TRAM2: variants seen among roughly 807,000 people sequenced by gnomAD.
TRAM2 encodes the protein translocation associated membrane protein 2.
A neutral mutation model predicts 51.0 loss-of-function variants in TRAM2; 12 were observed. The observed-to-expected ratio is 0.24, with a 90% CI of 0.15 to 0.38. The LOEUF (loss-of-function observed/expected upper bound fraction) is 0.38, where lower values mean the gene tolerates loss of function less well. Ranked by LOEUF, TRAM2 falls within the 10% of genes least tolerant of loss-of-function variation. The pLI, the probability that TRAM2 is intolerant of heterozygous loss-of-function variation, is 1.00. For missense variants in TRAM2, 361 were observed against 462.0 expected (o/e 0.78, Z 2.00); for synonymous variants, 175 against 179.4 (o/e 0.98, Z 0.20).
intron 10 of TRAM2, 131 bp from the exon 11 acceptor site, chr6:52,503,401 G>A (rs1030803031): frequency 8.8e-6 from 7 of 798,442 alleles, no homozygotes; most frequent in East Asian, 2.4e-5. Context: ...CCAAAGGGGC[G>A]CCAGGCTGCA....
chr6:52,551,008 A>G (rs9296683), intron 1 of TRAM2, among the ~76,000 whole-genome samples: 97,831 of 152,102 alleles, frequency 0.64, 31,884 homozygotes, highest in East Asian at 0.89. Flanking sequence ...TTGATAACCC[A>G]CTTCAGAAAT....
rs371698794 is a variant in TRAM2, at chr6:52,507,639, G to A, written c.556-16C>T. On this transcript the variant is annotated splice_polypyrimidine_tract_variant and intron_variant, in intron 6 of 10. Transcript: ENST00000182527. ...GAATTTCCTCCTGGAAACAAGAGAA[G>A]CAGATGGTAAATTTGCTAATTCCCT... 3 of 1,613,652 alleles carry A rather than the reference G, an allele frequency of 1.9e-6. No homozygotes were observed. The highest frequency in any genetic ancestry group is 2.7e-5 in the African/African-American group (2 of 74,898).
intron 1 of TRAM2, among the ~76,000 whole-genome samples, chr6:52,540,952 TA>T (rs1465814462): frequency 1.6e-4 from 25 of 152,178 alleles, no homozygotes; most frequent in Admixed American, 1.6e-3. Context: ...AAAGTTTCAT[TA>T]AATTTTTAAC....
intron 1 of TRAM2, among the ~76,000 whole-genome samples, chr6:52,558,502 C>T (rs1767447980): frequency 6.6e-6 from 1 of 152,162 alleles, no homozygotes; most frequent in South Asian, 2.1e-4. Flanking sequence ...GTGCTTAACA[C>T]TACTTAACGG....
intron 8 of TRAM2, 111 bp from the exon 9 acceptor site, chr6:52,505,853 GA>G: frequency 6.8e-7 from 1 of 1,467,838 alleles, no homozygotes; most frequent in Non-Finnish European, 9.2e-7. Context: ...GGTGGCTGGG[GA>G]AAGTGCTTGA....
chr6:52,569,225 T>C (rs1393767129), intron 1 of TRAM2, among the ~76,000 whole-genome samples: 1 of 151,762 alleles, frequency 6.6e-6, no homozygotes, highest in Non-Finnish European at 1.5e-5. Context: ...TGAAACCCCA[T>C]CTCCACAAAA....
intron 1 of TRAM2, among the ~76,000 whole-genome samples, chr6:52,570,578 A>G (rs778450051): frequency 3.9e-5 from 6 of 152,154 alleles, no homozygotes; most frequent in Non-Finnish European, 8.8e-5. Context: ...GCTCTGGATG[A>G]GTATGGCAAC....
At chr6:52,547,670 G>T (rs1767229805) in intron 1 of TRAM2, among the ~76,000 whole-genome samples, 2 of 152,206 alleles carry the variant, frequency 1.3e-5, no homozygotes, top group South Asian at 4.1e-4. Flanking sequence ...GGACAGGCAG[G>T]GCCACCTAGA....
At chr6:52,537,801 T>C (rs1007506354) in intron 1 of TRAM2, among the ~76,000 whole-genome samples, 2 of 152,130 alleles carry the variant, frequency 1.3e-5, no homozygotes, top group African/African-American at 4.8e-5. Context: ...CAGTAACGGC[T>C]CATTGCTTAA....
intron 1 of TRAM2, among the ~76,000 whole-genome samples, chr6:52,557,648 A>T (rs1037140472): frequency 1.3e-5 from 2 of 152,198 alleles, no homozygotes; most frequent in Non-Finnish European, 2.9e-5. Context: ...GTATGTCCTG[A>T]TAAGGCAACT....
chr6:52,550,689 T>G (rs1767292586), intron 1 of TRAM2, among the ~76,000 whole-genome samples: 1 of 152,104 alleles, frequency 6.6e-6, no homozygotes, highest in African/African-American at 2.4e-5. Flanking sequence ...ATAGCTAGGA[T>G]TACAGGAATG....
chr6:52,542,815 A>G (rs940129871), intron 1 of TRAM2, among the ~76,000 whole-genome samples: 17 of 152,370 alleles, frequency 1.1e-4, no homozygotes, highest in South Asian at 8.3e-4. Flanking sequence ...TAAACTTTAT[A>G]TTGGGATACA....
chr6:52,503,372 G>T (rs1291616060), intron 10 of TRAM2, 102 bp from the exon 11 acceptor site: 4 of 1,046,728 alleles, frequency 3.8e-6, no homozygotes, highest in Non-Finnish European at 6.0e-6. Context: ...GGGCAGCCCA[G>T]CTGCTATACA....
At chr6:52,513,377 G>A (rs1005570502) in intron 4 of TRAM2, among the ~76,000 whole-genome samples, 4 of 152,218 alleles carry the variant, frequency 2.6e-5, no homozygotes, top group African/African-American at 9.6e-5. Context: ...CCAACATTTA[G>A]TGGGCACTTA....
At chr6:52,520,364 C>T (rs1307068537) in intron 2 of TRAM2, among the ~76,000 whole-genome samples, 1 of 152,152 alleles carries the variant, frequency 6.6e-6, no homozygotes, top group Non-Finnish European at 1.5e-5. Context: ...TCTCTTCCTG[C>T]CACAGGGAGA....
At chr6:52,503,885 C>G (rs1165185873) in intron 10 of TRAM2, among the ~76,000 whole-genome samples, 1 of 152,230 alleles carries the variant, frequency 6.6e-6, no homozygotes, top group Admixed American at 6.5e-5. Flanking sequence ...GCCAGCCAGG[C>G]CTGACTCTGT....
intron 1 of TRAM2, among the ~76,000 whole-genome samples, chr6:52,540,301 T>C (rs904091647): frequency 2.6e-5 from 4 of 151,664 alleles, no homozygotes; most frequent in Admixed American, 2.6e-4. Flanking sequence ...AGGCACACAA[T>C]ACTGCACATA....
chr6:52,513,597 C>T (rs1157820359), intron 4 of TRAM2, among the ~76,000 whole-genome samples: 5 of 152,076 alleles, frequency 3.3e-5, no homozygotes, highest in Non-Finnish European at 5.9e-5. Context: ...AAGGAGTTGG[C>T]CATGGGATGG....
At chr6:52,550,560 A>AT (rs924690279) in intron 1 of TRAM2, among the ~76,000 whole-genome samples, 30 of 151,480 alleles carry the variant, frequency 2.0e-4, no homozygotes, top group Non-Finnish European at 2.9e-4. Context: ...TTTTATTTTT[A>AT]TTTTTTTTGC....
Sources: gnomAD v4.1 joint callset for allele counts (sites outside exome capture counted in the v4.1 genomes callset) on GRCh38, gnomAD v4.1.1 for gene constraint, MANE v1.5 for transcripts, NCBI Gene and HGNC (gene_info 2026-07-23, HGNC 2026-07-21) for gene names.